The following IQCJ variants were observed in gnomAD, a reference collection of about 807,000 sequenced individuals.
IQCJ encodes IQ motif containing J, also known as IQ domain-containing protein J.
In IQCJ, 9 loss-of-function variants were observed where a neutral mutation model predicts 11.0. That is an observed-to-expected ratio of 0.82 (90% CI 0.49 to 1.43). IQCJ has a LOEUF of 1.43. IQCJ is among the 40% of genes most tolerant of loss of function. The probability of loss-of-function intolerance (pLI) is 0.00; values close to 1 mark genes in which losing one functional copy is unlikely to be tolerated. For missense variants in IQCJ, 146 were observed against 133.2 expected (o/e 1.10, Z -0.47); for synonymous variants, 55 against 51.3 (o/e 1.07, Z -0.31).
intron 1 of IQCJ, among the ~76,000 whole-genome samples, chr3:159,184,798 T>C (rs1211489126): frequency 6.6e-6 from 1 of 152,180 alleles, no homozygotes; most frequent in Non-Finnish European, 1.5e-5. Context: ...GAATCTAGTC[T>C]AGCTAGTATA....
intron 1 of IQCJ, among the ~76,000 whole-genome samples, chr3:159,155,498 T>C (rs1225708814): frequency 6.6e-6 from 1 of 152,190 alleles, no homozygotes; most frequent in African/African-American, 2.4e-5. Context: ...TAACATGGAT[T>C]CCACTTGTGT....
chr3:159,262,774 G>A lies in IQCJ; in HGVS notation c.*43G>A, dbSNP rs763338475. On this transcript the variant is annotated 3_prime_UTR_variant, in exon 4 of 4. Transcript: ENST00000397832. ...CTAAGAGAGAAATCTTGGGATGTGA[G>A]CAGGTGGTTTGTGACAGTGAAGATC... is the stretch of plus-strand genomic sequence containing the variant. 7 of 1,589,798 alleles carry A rather than the reference G, an allele frequency of 4.4e-6. No homozygotes were observed. The highest frequency in any genetic ancestry group is 2.2e-5 in the East Asian group (1 of 44,490).
intron 1 of IQCJ, among the ~76,000 whole-genome samples, chr3:159,241,595 A>T (rs1038858147): frequency 5.3e-5 from 8 of 152,052 alleles, no homozygotes; most frequent in African/African-American, 1.9e-4. Flanking sequence ...TTCAGTTAGT[A>T]CCTGTCACAG....
chr3:159,204,863 C>A (rs1238298698), intron 1 of IQCJ, among the ~76,000 whole-genome samples: 1 of 152,176 alleles, frequency 6.6e-6, no homozygotes, highest in Non-Finnish European at 1.5e-5. Flanking sequence ...TGTGCCTCTT[C>A]AATTTGCACT....
chr3:159,082,820 G>A (rs368709790), intron 1 of IQCJ, among the ~76,000 whole-genome samples: 1 of 152,116 alleles, frequency 6.6e-6, no homozygotes, highest in Non-Finnish European at 1.5e-5. Context: ...TTAGATGGGG[G>A]AGGACATGAA....
At chr3:159,228,647 C>T (rs1348502130) in intron 1 of IQCJ, among the ~76,000 whole-genome samples, 3 of 152,102 alleles carry the variant, frequency 2.0e-5, no homozygotes, top group African/African-American at 7.2e-5. Context: ...AAAAATTAGC[C>T]GGGCGTAGTG....
intron 1 of IQCJ, among the ~76,000 whole-genome samples, chr3:159,222,830 T>C (rs1725630276): frequency 1.3e-5 from 2 of 152,034 alleles, no homozygotes; most frequent in Non-Finnish European, 2.9e-5. Context: ...ATAAAAAATT[T>C]TCTATAAACA....
Position 159,120,147 on chromosome 3 carries a change from C to T in IQCJ, c.9+50706C>T, listed in dbSNP as rs1248657825. Among the ~76,000 whole-genome samples, 4 of 152,026 alleles carry T rather than the reference C, an allele frequency of 2.6e-5. No individual in the cohort carries two copies. In the East Asian group the frequency reaches 7.7e-4, roughly 29 times the overall value. ...AAGTTGCGGTATTTTCTCCCTGTAC[C>T]CCAGGGGATCATCATGCATACCCCC... is the stretch of plus-strand genomic sequence containing the variant. On this transcript the variant is annotated intron_variant, in intron 1 of 3. Transcript: ENST00000397832.
chr3:159,185,230 C>T (rs1487313194), intron 1 of IQCJ, among the ~76,000 whole-genome samples: 1 of 152,200 alleles, frequency 6.6e-6, no homozygotes, highest in African/African-American at 2.4e-5. Flanking sequence ...ACAAATGTGC[C>T]TACTAATGGA....
intron 1 of IQCJ, among the ~76,000 whole-genome samples, chr3:159,217,937 A>C (rs1412270906): frequency 2.6e-5 from 4 of 152,128 alleles, no homozygotes; most frequent in Non-Finnish European, 5.9e-5. Context: ...CACTAGAAAG[A>C]AAGCTCCTTG....
At chr3:159,069,526 A>T in intron 1 of IQCJ, 85 bp downstream of exon 1, 1 of 1,532,364 alleles carries the variant, frequency 6.5e-7, no homozygotes, top group South Asian at 1.3e-5. Context: ...TGTCTTCTGA[A>T]TTAACATGTA....
chr3:159,149,343 C>G (rs1037081670), intron 1 of IQCJ, among the ~76,000 whole-genome samples: 13 of 152,146 alleles, frequency 8.5e-5, no homozygotes, highest in African/African-American at 3.1e-4. Flanking sequence ...TTGTCTGGAG[C>G]TGTTTTTGAA....
chr3:159,251,044 A>G (rs890932557), intron 2 of IQCJ, among the ~76,000 whole-genome samples: 2 of 152,128 alleles, frequency 1.3e-5, no homozygotes, highest in African/African-American at 4.8e-5. Flanking sequence ...TTAATTAGTA[A>G]TGGACCCTGA....
intron 1 of IQCJ, among the ~76,000 whole-genome samples, chr3:159,158,259 T>C (rs1721645974): frequency 6.6e-6 from 1 of 152,218 alleles, no homozygotes; most frequent in African/African-American, 2.4e-5. Context: ...GCAGGGCTGA[T>C]GTATCTTACA....
chr3:159,242,932 T>C (rs1206011141), intron 1 of IQCJ, among the ~76,000 whole-genome samples: 1 of 152,092 alleles, frequency 6.6e-6, no homozygotes, highest in Non-Finnish European at 1.5e-5. Flanking sequence ...TACCCCATAA[T>C]ATATAAAGAA....
At chr3:159,207,499 C>T (rs189887053) in intron 1 of IQCJ, among the ~76,000 whole-genome samples, 3 of 151,722 alleles carry the variant, frequency 2.0e-5, no homozygotes, top group Admixed American at 2.0e-4. Context: ...AATAAATGTC[C>T]AATATACTGT....
Position 159,263,459 on chromosome 3 carries a change from C to T in IQCJ, c.*728C>T, listed in dbSNP as rs1443659229. Reference sequence around the variant, plus strand: ...TGGAAGTCTTTATTTTTAAAAAACACCAAAAGTGGGAAGAAATCAGTGATG... The same window carrying T: ...TGGAAGTCTTTATTTTTAAAAAACATCAAAAGTGGGAAGAAATCAGTGATG... On this transcript the variant is annotated 3_prime_UTR_variant, in exon 4 of 4. Coordinates refer to ENST00000397832, the MANE Select transcript of IQCJ (RefSeq NM_001042706.3). The T allele has an allele frequency of 2.0e-6, 2 of 984,158 alleles. No individual in the cohort carries two copies. The highest frequency in any genetic ancestry group is 1.7e-5 in the African/African-American group (1 of 57,154). 61.0% of individuals were successfully genotyped at this position (984,158 alleles called of 1,614,324 possible).
chr3:159,126,422 T>A (rs547282943), intron 1 of IQCJ, among the ~76,000 whole-genome samples: 78 of 152,242 alleles, frequency 5.1e-4, no homozygotes, highest in African/African-American at 1.7e-3. Flanking sequence ...CTCTCTGGAG[T>A]CAGCATATTT....
At chr3:159,141,326 T>TGATAA (rs1224560164) in intron 1 of IQCJ, among the ~76,000 whole-genome samples, 1 of 152,022 alleles carries the variant, frequency 6.6e-6, no homozygotes, top group Non-Finnish European at 1.5e-5. Context: ...TGGAGGTGAA[T>TGATAA]GATAAGATTG....
Sources: gnomAD v4.1 joint callset for allele counts (sites outside exome capture counted in the v4.1 genomes callset) on GRCh38, gnomAD v4.1.1 for gene constraint, MANE v1.5 for transcripts, NCBI Gene and HGNC (gene_info 2026-07-23, HGNC 2026-07-21) for gene names.